The following SGCZ variants were observed in gnomAD, a reference collection of about 807,000 sequenced individuals.
The protein encoded by SGCZ is zeta-sarcoglycan.
A neutral mutation model predicts 41.3 loss-of-function variants in SGCZ; 40 were observed. The ratio of observed to expected loss-of-function variants is 0.97; its 90% CI spans 0.75 to 1.26. SGCZ has a LOEUF of 1.26. Ranked by LOEUF, SGCZ falls within the 50% of genes most tolerant of loss-of-function variation. SGCZ has a pLI of 0.00. For synonymous variants in SGCZ, 206 were observed against 137.5 expected (o/e 1.50, Z -3.49); for missense variants, 552 against 369.8 (o/e 1.49, Z -4.04).
chr8:14,846,556 A>G (rs981325553), intron 1 of SGCZ, among the ~76,000 whole-genome samples: 2 of 152,070 alleles, frequency 1.3e-5, no homozygotes, highest in Non-Finnish European at 2.9e-5. Flanking sequence ...CTTTATACCA[A>G]TATGTTTGAC....
chr8:14,991,928 C>T (rs1409422167), intron 1 of SGCZ, among the ~76,000 whole-genome samples: 1 of 151,468 alleles, frequency 6.6e-6, no homozygotes, highest in Non-Finnish European at 1.5e-5. Flanking sequence ...ACCAGTGTTA[C>T]CCTTGAATTT....
intron 1 of SGCZ, among the ~76,000 whole-genome samples, chr8:14,818,880 C>T (rs1337518846): frequency 1.3e-5 from 2 of 151,418 alleles, no homozygotes; most frequent in Admixed American, 1.3e-4. Flanking sequence ...GTGATGGGGG[C>T]AAATAAAGAA....
At chr8:14,419,786 T>C (rs1003966504) in intron 2 of SGCZ, among the ~76,000 whole-genome samples, 4 of 152,020 alleles carry the variant, frequency 2.6e-5, no homozygotes, top group Admixed American at 6.6e-5. Context: ...ACTTTAAGAA[T>C]AATTAGTATG....
At chr8:14,852,923 C>T (rs1323880389) in intron 1 of SGCZ, among the ~76,000 whole-genome samples, 2 of 152,166 alleles carry the variant, frequency 1.3e-5, no homozygotes, top group Non-Finnish European at 2.9e-5. Context: ...GTTACTATTT[C>T]TATGGGGCTT....
At chr8:14,439,360 CA>C (rs1800182529) in intron 2 of SGCZ, among the ~76,000 whole-genome samples, 1 of 148,000 alleles carries the variant, frequency 6.8e-6, no homozygotes, top group Non-Finnish European at 1.5e-5. Context: ...AAATTTCTAT[CA>C]AACATTAAAA....
At chr8:14,654,571 TTTG>T (rs1000709840) in intron 1 of SGCZ, among the ~76,000 whole-genome samples, 1 of 152,090 alleles carries the variant, frequency 6.6e-6, no homozygotes. Context: ...CATTACTTCT[TTTG>T]TTGTTGTTTT....
chr8:14,734,230 T>C (rs975517641), intron 1 of SGCZ, among the ~76,000 whole-genome samples: 1 of 152,168 alleles, frequency 6.6e-6, no homozygotes, highest in Non-Finnish European at 1.5e-5. Context: ...TATATTGTGT[T>C]ATCAAGATTA....
chr8:14,220,680 G>C (rs780146053), intron 4 of SGCZ, among the ~76,000 whole-genome samples: 2 of 152,024 alleles, frequency 1.3e-5, no homozygotes, highest in Non-Finnish European at 2.9e-5. Flanking sequence ...CCAGCTACTC[G>C]GGAGGCTGAG....
rs371303080 is a variant in SGCZ, at chr8:15,222,822, TAAGA to T, written c.39+14759_39+14762del. 1.6e-4 allele frequency among the ~76,000 whole-genome samples: 24 copies of T among 151,938 alleles called. 1 individual carries two copies. Among genetic ancestry groups the T allele is most frequent in the African/African-American group, 3.9e-4 (16 of 41,466 alleles). ...GTGGGTGTGTGTGTGTGTGACTAAA[TAAGA>T]AAGAAACCTTATTTTGCACAGAGAA... On this transcript the variant is annotated intron_variant, in intron 1 of 7. Coordinates refer to ENST00000382080, the MANE Select transcript of SGCZ (RefSeq NM_139167.4).
intron 1 of SGCZ, among the ~76,000 whole-genome samples, chr8:15,002,880 C>G (rs936878293): frequency 6.6e-6 from 1 of 152,006 alleles, no homozygotes; most frequent in Non-Finnish European, 1.5e-5. Flanking sequence ...TAGGAGGGAC[C>G]CTGGGGGAGG....
chr8:14,489,557 G>C (rs7005582), intron 2 of SGCZ, among the ~76,000 whole-genome samples: 5,101 of 151,838 alleles, frequency 0.034, 273 homozygotes, highest in African/African-American at 0.12. Flanking sequence ...GAGATGGTCT[G>C]GCTTTTTTAA....
chr8:14,207,840 G>GA (rs1443785608), intron 4 of SGCZ, among the ~76,000 whole-genome samples: 1 of 152,080 alleles, frequency 6.6e-6, no homozygotes, highest in African/African-American at 2.4e-5. Flanking sequence ...TTTTGCATAA[G>GA]AAAAATATAC....
chr8:14,248,536 G>C (rs1254991090), intron 3 of SGCZ, among the ~76,000 whole-genome samples: 2 of 151,888 alleles, frequency 1.3e-5, no homozygotes. Context: ...ACTGTAAAAA[G>C]AATAAGAAGA....
In SGCZ at chr8:15,107,417, G is replaced by T. The variant is rs534419891; in HGVS notation, c.39+130168C>A. ...GCATAGATTAATAACCTCCTTCAGGGTGAGAGGATTCTTCCTTCAATCATT... is the reference window on the plus strand; with the variant it reads ...GCATAGATTAATAACCTCCTTCAGGTTGAGAGGATTCTTCCTTCAATCATT... On this transcript the variant is annotated intron_variant, in intron 1 of 7. Coordinates refer to ENST00000382080, the MANE Select transcript of SGCZ (RefSeq NM_139167.4). 2.6e-5 allele frequency among the ~76,000 whole-genome samples: 4 copies of T among 152,254 alleles called. No homozygotes were observed. In the South Asian group the frequency reaches 6.2e-4, roughly 24 times the overall value.
chr8:15,073,540 A>C (rs912938097), intron 1 of SGCZ, among the ~76,000 whole-genome samples: 2 of 152,188 alleles, frequency 1.3e-5, no homozygotes, highest in East Asian at 3.8e-4. Context: ...GTTACTGAGA[A>C]GGTATTTTTA....
chr8:14,217,218 C>T (rs1390812433), intron 4 of SGCZ, among the ~76,000 whole-genome samples: 1 of 141,924 alleles, frequency 7.0e-6, no homozygotes, highest in Non-Finnish European at 1.5e-5. Flanking sequence ...ATGGCGTGAA[C>T]CTGGGAGGCA....
At chr8:14,724,259 G>A (rs1462283763) in intron 1 of SGCZ, among the ~76,000 whole-genome samples, 3 of 151,620 alleles carry the variant, frequency 2.0e-5, no homozygotes, top group African/African-American at 7.3e-5. Flanking sequence ...AAAGCAAGGT[G>A]GAAATACATG....
chr8:14,389,511 T>C (rs1804687051), intron 2 of SGCZ, among the ~76,000 whole-genome samples: 1 of 148,558 alleles, frequency 6.7e-6, no homozygotes, highest in Admixed American at 6.7e-5. Context: ...AAAGTCATGA[T>C]AATCACAAAC....
intron 1 of SGCZ, among the ~76,000 whole-genome samples, chr8:15,050,577 A>G (rs796406068): frequency 7.2e-5 from 11 of 152,262 alleles, no homozygotes; most frequent in African/African-American, 2.6e-4. Flanking sequence ...AAGAGAAGTG[A>G]GTGTTACAAG....
Sources: gnomAD v4.1 joint callset for allele counts (sites outside exome capture counted in the v4.1 genomes callset) on GRCh38, gnomAD v4.1.1 for gene constraint, MANE v1.5 for transcripts, NCBI Gene and HGNC (gene_info 2026-07-23, HGNC 2026-07-21) for gene names.